R3HDM1: variants seen among roughly 807,000 people sequenced by gnomAD.
R3HDM1 encodes the protein R3H domain-containing protein 1.
Under a neutral mutation model 141.1 loss-of-function variants are expected in R3HDM1, and 46 were observed. The observed-to-expected ratio is 0.33, with a 90% CI of 0.26 to 0.42. R3HDM1 has a LOEUF of 0.42. Ranked by LOEUF, R3HDM1 falls within the 10% of genes least tolerant of loss-of-function variation. The probability of loss-of-function intolerance (pLI) is 1.00; values close to 1 mark genes in which losing one functional copy is unlikely to be tolerated. For missense variants in R3HDM1, 1,184 were observed against 1,368.3 expected, an observed-to-expected ratio of 0.87 and a Z score of 2.12; for synonymous variants, 435 against 472.9, an observed-to-expected ratio of 0.92 and a Z score of 1.04.
Position 135,649,942 on chromosome 2 carries a change from A to G in R3HDM1, c.1664A>G (p.Tyr555Cys), listed in dbSNP as rs906159259. Residue 555 changes from tyrosine (Y) to cysteine (C), a missense_variant, in exon 17 of 27, where the codon TAC becomes TGC. Coordinates refer to ENST00000683871, the MANE Select transcript of R3HDM1 (RefSeq NM_001378107.1). ...PLQSSSQPVQ[Y>C]STAPYPSPFL... is the part of the protein sequence containing the mutation. ...CAGTCCTCTTCACAGCCTGTTCAGTACTCTACAGCCCCTTACCCATCCCCG... is the reference window on the plus strand; with the variant it reads ...CAGTCCTCTTCACAGCCTGTTCAGTGCTCTACAGCCCCTTACCCATCCCCG... 7.7e-7 allele frequency: 1 copy of G among 1,295,624 alleles called. No individual in the cohort carries two copies. The highest frequency in any genetic ancestry group is 1.3e-5 in the South Asian group (1 of 78,724). The allele number at this position is 1,295,624 out of a possible 1,614,324, so 80.3% of individuals were successfully genotyped here. A position where few individuals can be genotyped will look rare whatever the true frequency, so the allele number is the denominator to read the frequency against.
At chr2:135,661,954 T>G (rs191724591) in intron 19 of R3HDM1, among the ~76,000 whole-genome samples, 26 of 152,346 alleles carry the variant, frequency 1.7e-4, no homozygotes, top group Admixed American at 2.0e-4. Context: ...TAAATGAAAT[T>G]TATTAAAACT....
At chr2:135,711,407 C>T (rs1317272695) in intron 23 of R3HDM1, among the ~76,000 whole-genome samples, 1 of 152,168 alleles carries the variant, frequency 6.6e-6, no homozygotes, top group Non-Finnish European at 1.5e-5. Context: ...GTGGCTCATG[C>T]CTGTAATCCC....
At position 135,636,176 on chromosome 2, in the gene R3HDM1, C is replaced by G; in HGVS notation, c.896C>G (p.Ser299Cys). 1 of 1,612,480 alleles carries G rather than the reference C, an allele frequency of 6.2e-7. No homozygotes were observed. Among genetic ancestry groups the G allele is most frequent in the South Asian group, 1.1e-5 (1 of 90,870 alleles). ...CAGAGAGCCAGAGACCGAATATTTT[C>G]CCAAGATGTACGTACTAACTTACTT... ...EYQRARDRIF[S>C]QDSLCSQENY... Residue 299 changes from serine to cysteine, a missense_variant, in exon 11 of 27, where the codon TCC (serine) becomes TGC (cysteine). By Grantham distance (112) the Ser-to-Cys change is moderately radical. Transcript: ENST00000683871.
intron 1 of R3HDM1, among the ~76,000 whole-genome samples, chr2:135,585,718 A>G (rs1380689486): frequency 1.3e-5 from 2 of 152,304 alleles, no homozygotes; most frequent in East Asian, 3.9e-4. Context: ...CACTTGAGCT[A>G]ATATAGCCAA....
intron 9 of R3HDM1, among the ~76,000 whole-genome samples, chr2:135,632,798 T>A (rs1435049620): frequency 6.6e-6 from 1 of 152,222 alleles, no homozygotes; most frequent in East Asian, 1.9e-4. Flanking sequence ...TGGTAATGAG[T>A]AGCAGTCAAC....
At chr2:135,678,998 A>G (rs553790042) in intron 20 of R3HDM1, among the ~76,000 whole-genome samples, 5 of 150,036 alleles carry the variant, frequency 3.3e-5, no homozygotes, top group South Asian at 2.1e-4. Context: ...AGCTCAGGCA[A>G]TCTGCCCACC....
At chr2:135,701,796 C>A (rs1329011881) in intron 21 of R3HDM1, among the ~76,000 whole-genome samples, 6 of 152,104 alleles carry the variant, frequency 3.9e-5, no homozygotes, top group Non-Finnish European at 7.4e-5. Context: ...ATTTTTAATA[C>A]TTTTGGACCA....
chr2:135,706,053 C>T (rs556150517), intron 21 of R3HDM1, among the ~76,000 whole-genome samples: 3 of 150,256 alleles, frequency 2.0e-5, no homozygotes, highest in Non-Finnish European at 3.0e-5. Flanking sequence ...GGTATGAACC[C>T]GGGAGGCGGA....
chr2:135,598,835 C>T (rs942593880), intron 1 of R3HDM1, among the ~76,000 whole-genome samples: 4 of 152,138 alleles, frequency 2.6e-5, no homozygotes, highest in Admixed American at 1.3e-4. Context: ...TTCCCCCATC[C>T]TTTTCTTTCC....
At chr2:135,669,693 C>CT in intron 19 of R3HDM1, 6 of 522,930 alleles carry the variant, frequency 1.1e-5, no homozygotes, top group Non-Finnish European at 1.5e-5. Flanking sequence ...AGGTATGAAC[C>CT]TCTCTGTGCC....
chr2:135,614,862 C>A (rs2060877588), intron 3 of R3HDM1, among the ~76,000 whole-genome samples: 1 of 151,392 alleles, frequency 6.6e-6, no homozygotes, highest in African/African-American at 2.4e-5. Context: ...ACCACCTAGA[C>A]TAGATGGTAG....
intron 1 of R3HDM1, among the ~76,000 whole-genome samples, chr2:135,554,014 A>C (rs1234332817): frequency 6.6e-6 from 1 of 152,234 alleles, no homozygotes; most frequent in African/African-American, 2.4e-5. Context: ...AAACAAGTTT[A>C]TTGAGATATA....
chr2:135,675,501 T>C lies in R3HDM1; in HGVS notation c.2307+15T>C. On this transcript the variant is annotated intron_variant, in intron 20 of 26. Coordinates refer to ENST00000683871, the MANE Select transcript of R3HDM1 (RefSeq NM_001378107.1). ...CAACATATCAGGTATATTGTCTCTT[T>C]TATGTACTTTGGGTAGAGATGATTT... The C allele has an allele frequency of 6.2e-7, 1 of 1,601,170 alleles. No homozygotes were observed. Among genetic ancestry groups the C allele is most frequent in the Non-Finnish European group, 8.5e-7 (1 of 1,170,362 alleles).
At chr2:135,543,416 C>T (rs940913104) in intron 1 of R3HDM1, among the ~76,000 whole-genome samples, 12 of 147,618 alleles carry the variant, frequency 8.1e-5, no homozygotes, top group African/African-American at 2.3e-4. Context: ...TCTTCTTTTT[C>T]GAGTTTTTTT....
chr2:135,590,820 G>C, intron 1 of R3HDM1: 1 of 749,886 alleles, frequency 1.3e-6, no homozygotes, highest in Non-Finnish European at 1.6e-6. Flanking sequence ...GACAGCACCT[G>C]TTCTGCCTCA....
chr2:135,694,750 A>G (rs1028533546), intron 21 of R3HDM1, among the ~76,000 whole-genome samples: 1 of 152,162 alleles, frequency 6.6e-6, no homozygotes, highest in African/African-American at 2.4e-5. Flanking sequence ...AGGGCAGAAT[A>G]CTGAAGAGAA....
chr2:135,543,109 A>G (rs1455695629), intron 1 of R3HDM1: 1 of 983,228 alleles, frequency 1.0e-6, no homozygotes, highest in Non-Finnish European at 1.2e-6. Flanking sequence ...TGGGGAGGAT[A>G]CAGTCTCTGT....
chr2:135,562,475 A>G (rs530737916), intron 1 of R3HDM1, among the ~76,000 whole-genome samples: 1 of 152,266 alleles, frequency 6.6e-6, no homozygotes, highest in African/African-American at 2.4e-5. Flanking sequence ...TTCTAGTTGC[A>G]TTTCTTCTAG....
intron 5 of R3HDM1, among the ~76,000 whole-genome samples, chr2:135,620,026 A>G (rs1238853370): frequency 6.6e-6 from 1 of 152,206 alleles, no homozygotes; most frequent in Non-Finnish European, 1.5e-5. Flanking sequence ...CCAACTGAAG[A>G]CAGGCCTCAG....
Sources: gnomAD v4.1 joint callset for allele counts (sites outside exome capture counted in the v4.1 genomes callset) on GRCh38, gnomAD v4.1.1 for gene constraint, MANE v1.5 for transcripts, NCBI Gene and HGNC (gene_info 2026-07-23, HGNC 2026-07-21) for gene names.